Variants in RALGAPA1 observed in about 807,000 individuals in gnomAD.
RALGAPA1 encodes Ral GTPase activating protein catalytic subunit alpha 1.
Under a neutral mutation model 269.6 loss-of-function variants are expected in RALGAPA1, and 52 were observed. The ratio of observed to expected loss-of-function variants is 0.19; its 90% CI spans 0.15 to 0.24. The LOEUF (loss-of-function observed/expected upper bound fraction) is 0.24. Among genes scored for constraint, RALGAPA1 ranks in the 10% least tolerant of loss-of-function variants. The pLI is 1.00. For missense variants in RALGAPA1, 1,917 were observed against 3,013.9 expected (o/e 0.64, Z 8.52); for synonymous variants, 817 against 1,008.3 (o/e 0.81, Z 3.60).
At chr14:35,759,740 T>C (rs1381724952) in intron 6 of RALGAPA1, among the ~76,000 whole-genome samples, 2 of 151,704 alleles carry the variant, frequency 1.3e-5, no homozygotes, top group Non-Finnish European at 2.9e-5. Flanking sequence ...CGAAACCCTG[T>C]CTCTACTAAA....
chr14:35,777,033 A>G (rs1203874091), intron 1 of RALGAPA1, among the ~76,000 whole-genome samples: 1 of 152,180 alleles, frequency 6.6e-6, no homozygotes, highest in Non-Finnish European at 1.5e-5. Context: ...TGTCTCAATC[A>G]GTGCTGTCTC....
At chr14:35,616,324 A>G (rs1471635924) in intron 35 of RALGAPA1, among the ~76,000 whole-genome samples, 1 of 152,180 alleles carries the variant, frequency 6.6e-6, no homozygotes, top group Admixed American at 6.5e-5. Context: ...GAAGACCTGG[A>G]ATAATTAGAG....
chr14:35,744,235 G>A (rs763060730), intron 10 of RALGAPA1, among the ~76,000 whole-genome samples: 10 of 152,050 alleles, frequency 6.6e-5, no homozygotes, highest in Non-Finnish European at 1.2e-4. Context: ...GCCGGGTGTG[G>A]TGGCGCATGC....
rs2061057821 is a variant in RALGAPA1, at chr14:35,627,353, A to G, written c.6594T>C (p.Ser2198=). 1 of 1,614,028 alleles carries G rather than the reference A, an allele frequency of 6.2e-7. No individual in the cohort carries two copies. Among genetic ancestry groups the G allele is most frequent in the East Asian group, 2.2e-5 (1 of 44,880 alleles). ...TTCCAGTTCTCTGTAAGCATTCAGG[A>G]CTAGTAACACCCAAATACTGCAAGA... ...DELLQYLGVT[S]PECLQRTGIS... The change falls in exon 34 of 42, where the codon AGT becomes AGC. Residue 2198 remains serine (S), a synonymous_variant. Coordinates refer to ENST00000680220, the MANE Select transcript of RALGAPA1 (RefSeq NM_001346249.2).
intron 16 of RALGAPA1, among the ~76,000 whole-genome samples, chr14:35,712,023 G>A (rs2068392687): frequency 1.3e-5 from 2 of 152,058 alleles, no homozygotes. Flanking sequence ...AAGGTGGGTG[G>A]ATCACTTGAG....
chr14:35,733,971 A>AAATG (rs1164263990), intron 12 of RALGAPA1, among the ~76,000 whole-genome samples: 2 of 152,064 alleles, frequency 1.3e-5, no homozygotes, highest in African/African-American at 4.8e-5. Context: ...ATAAATAAAT[A>AAATG]AAATACTTAG....
Position 35,689,155 on chromosome 14 carries a change from C to A in RALGAPA1, c.3256G>T (p.Val1086Leu). The change falls in exon 18 of 42, where the codon GTG becomes TTG. Residue 1086 changes from valine (V) to leucine (L), a missense_variant. Val to Leu is a conservative substitution (Grantham distance 32). Transcript: ENST00000680220. ...DVTLVEKLKS[V>L]QINEKITVPH... ...ACAGTGATTTTTTCATTAATTTGCA[C>A]ACTCTTAAGCTTTTCAACTAGTGTT... 8.1e-7 allele frequency: 1 copy of A among 1,234,128 alleles called. No homozygotes were observed. Among genetic ancestry groups the A allele is most frequent in the Non-Finnish European group, 1.0e-6 (1 of 989,284 alleles). The allele number at this position is 1,234,128 out of a possible 1,614,324, so 76.4% of individuals were successfully genotyped here.
intron 1 of RALGAPA1, among the ~76,000 whole-genome samples, chr14:35,784,753 T>A (rs897982913): frequency 2.0e-5 from 3 of 152,228 alleles, no homozygotes; most frequent in Non-Finnish European, 2.9e-5. Context: ...AAGTTACTGA[T>A]ATTTATTGCA....
intron 4 of RALGAPA1, among the ~76,000 whole-genome samples, chr14:35,767,718 A>G (rs756054128): frequency 2.8e-4 from 43 of 152,050 alleles, no homozygotes; most frequent in Non-Finnish European, 5.7e-4. Context: ...AAAAACCTAG[A>G]AACAGAAGAG....
At chr14:35,693,713 A>G (rs532325164) in intron 17 of RALGAPA1, among the ~76,000 whole-genome samples, 13 of 152,162 alleles carry the variant, frequency 8.5e-5, no homozygotes, top group African/African-American at 3.1e-4. Context: ...GCTTTTGAAC[A>G]TTGAGAAAAT....
At position 35,651,888 on chromosome 14, in the gene RALGAPA1, A is replaced by G; in HGVS notation, c.5608-15T>C. The G allele has an allele frequency of 1.3e-6, 2 of 1,593,246 alleles. No individual in the cohort carries two copies. The highest frequency in any genetic ancestry group is 1.4e-5 in the African/African-American group (1 of 73,794). On this transcript the variant is annotated splice_polypyrimidine_tract_variant and intron_variant, in intron 30 of 41. Transcript: ENST00000680220. ...GCTATTAGGATCTGTAAGCAAAAAA[A>G]AATTTTTTTAAAAGCTCTATATATG...
chr14:35,676,538 A>G (rs2064966185), intron 22 of RALGAPA1: 2 of 152,316 alleles, frequency 1.3e-5, no homozygotes, highest in East Asian at 3.9e-4. Context: ...TGGATTGCTG[A>G]CGGTGTGGGG....
chr14:35,774,830 G>A (rs898878609), intron 3 of RALGAPA1, among the ~76,000 whole-genome samples, 176 bp downstream of exon 3: 18 of 152,084 alleles, frequency 1.2e-4, no homozygotes, highest in African/African-American at 4.3e-4. Context: ...GTAATACATT[G>A]TACCTCAAAA....
At chr14:35,621,449 A>T (rs762514783) in intron 35 of RALGAPA1, among the ~76,000 whole-genome samples, 1 of 152,218 alleles carries the variant, frequency 6.6e-6, no homozygotes, top group Non-Finnish European at 1.5e-5. Flanking sequence ...GGACATAGGC[A>T]TGCGCGAGGA....
chr14:35,573,202 T>G, intron 37 of RALGAPA1, among the ~76,000 whole-genome samples: 1 of 152,142 alleles, frequency 6.6e-6, no homozygotes, highest in South Asian at 2.1e-4. Context: ...TATTTAAATG[T>G]TTGTGGGGTT....
chr14:35,679,344 T>C (rs575423071), intron 21 of RALGAPA1, among the ~76,000 whole-genome samples: 1 of 152,234 alleles, frequency 6.6e-6, no homozygotes, highest in Non-Finnish European at 1.5e-5. Context: ...CAGATGCTCC[T>C]TGACTTATGA....
intron 1 of RALGAPA1, among the ~76,000 whole-genome samples, chr14:35,789,583 C>A (rs1234008831): frequency 6.6e-6 from 1 of 151,386 alleles, no homozygotes; most frequent in Non-Finnish European, 1.5e-5. Context: ...CAGAGCAAGA[C>A]CCTGTCTCAA....
chr14:35,707,348 G>C (rs1488961486), intron 16 of RALGAPA1: 1 of 152,094 alleles, frequency 6.6e-6, no homozygotes, highest in Non-Finnish European at 1.5e-5. Context: ...TACAGGAATA[G>C]TGAGATATCC....
chr14:35,543,360 T>A (rs1048557225), intron 41 of RALGAPA1, among the ~76,000 whole-genome samples: 1 of 152,054 alleles, frequency 6.6e-6, no homozygotes, highest in Non-Finnish European at 1.5e-5. Context: ...CAGATGAGGA[T>A]TAGAAACGAA....
Sources: allele counts gnomAD v4.1 joint callset (sites outside exome capture counted in the v4.1 genomes callset), GRCh38; gene constraint gnomAD v4.1.1; transcripts MANE v1.5; gene names NCBI Gene and HGNC (gene_info 2026-07-23, HGNC 2026-07-21).